Variants in ZNF592 observed in about 807,000 individuals in gnomAD.
ZNF592 encodes spinocerebellar ataxia, autosomal recessive 5.
In ZNF592, 11 loss-of-function variants were observed where a neutral mutation model predicts 80.3. That is an observed-to-expected ratio of 0.14 (90% CI 0.09 to 0.23). ZNF592 has a LOEUF of 0.23. Ranked by LOEUF, ZNF592 falls within the 10% of genes least tolerant of loss-of-function variation. The probability of loss-of-function intolerance (pLI) is 1.00; values close to 1 mark genes in which losing one functional copy is unlikely to be tolerated. For missense variants in ZNF592, 1,420 were observed against 1,633.9 expected, an observed-to-expected ratio of 0.87 and a Z score of 2.26; for synonymous variants, 646 against 640.3, an observed-to-expected ratio of 1.01 and a Z score of -0.13.
intron 10 of ZNF592, 139 bp downstream of exon 10, chr15:84,800,116 G>A: frequency 7.5e-7 from 1 of 1,330,374 alleles, no homozygotes; most frequent in South Asian, 1.2e-5. Flanking sequence ...CTCTAGTCCT[G>A]TGTGACCCGC....
rs145351255 is a variant in ZNF592, at chr15:84,782,760, G to A, written c.85G>A (p.Ala29Thr). 1 of 1,614,086 alleles carries A rather than the reference G, an allele frequency of 6.2e-7. No individual in the cohort carries two copies. Among genetic ancestry groups the A allele is most frequent in the South Asian group, 1.1e-5 (1 of 91,078 alleles). The change falls in exon 4 of 11, where the codon GCC becomes ACC. Residue 29 changes from alanine to threonine, a missense_variant. Ala to Thr is a moderately conservative substitution (Grantham distance 58, BLOSUM62 0). Coordinates refer to ENST00000560079, the MANE Select transcript of ZNF592 (RefSeq NM_014630.3). ...CCCCACCAGCCTTGATGCCAAGGAG[G>A]CCATCCAGACACCCAGTGAGGAGAA... ...PDPTSLDAKEAIQTPSEENES... is the reference protein window; with the variant it reads ...PDPTSLDAKETIQTPSEENES...
At chr15:84,748,876 C>T (rs1043473836) in intron 1 of ZNF592, among the ~76,000 whole-genome samples, 6 of 148,344 alleles carry the variant, frequency 4.0e-5, no homozygotes, top group African/African-American at 1.5e-4. Context: ...CCGCCCCCGG[C>T]CGTCGGGCGC....
chr15:84,750,434 G>T (rs566078370), intron 1 of ZNF592, among the ~76,000 whole-genome samples: 1 of 152,184 alleles, frequency 6.6e-6, no homozygotes, highest in African/African-American at 2.4e-5. Context: ...TCCTGGGAGT[G>T]GGGGAGAAGA....
intron 1 of ZNF592, among the ~76,000 whole-genome samples, chr15:84,758,980 C>CT (rs1899264849): frequency 6.6e-6 from 1 of 152,082 alleles, no homozygotes; most frequent in South Asian, 2.1e-4. Context: ...GCATTCTACT[C>CT]TTTTTTGCCA....
chr15:84,765,084 CCTG>C (rs1899468527), intron 2 of ZNF592, among the ~76,000 whole-genome samples: 1 of 152,156 alleles, frequency 6.6e-6, no homozygotes, highest in South Asian at 2.1e-4. Flanking sequence ...CTCTCTCTCT[CCTG>C]CTAACCCCTG....
Position 84,764,675 on chromosome 15 carries a change from TA to T in ZNF592, c.-258-24del, listed in dbSNP as rs1179116155. ...TCTAACACTTACCTTCAGACCCACT[TA>T]AAAAAAATTTTGTTTTTCTTCTTTC... On this transcript the variant is annotated intron_variant, in intron 1 of 10. Coordinates refer to ENST00000560079, the MANE Select transcript of ZNF592 (RefSeq NM_014630.3). 3.5e-5 allele frequency: 14 copies of T among 398,542 alleles called. 1 individual carries two copies. Among genetic ancestry groups the T allele is most frequent in the Admixed American group, 8.8e-5 (2 of 22,698 alleles). The allele number at this position is 398,542 out of a possible 1,614,324, so 24.7% of individuals were successfully genotyped here.
At position 84,784,056 on chromosome 15, in the gene ZNF592, C is replaced by G. The variant is rs779184880; in HGVS notation, c.1381C>G (p.Pro461Ala). ...SMTKASDSSS[P>A]SCSSGPRVPK... is the part of the protein sequence containing the mutation. The stretch of plus-strand genomic sequence containing the variant: ...GACAAAGGCCAGTGACTCGTCATCT[C>G]CCAGCTGCAGTTCTGGGCCCCGGGT... The change falls in exon 4 of 11, where the codon CCC becomes GCC. Residue 461 changes from proline to alanine, a missense_variant. Pro to Ala is a conservative substitution (Grantham distance 27, BLOSUM62 -1). This residue lies in a region of ZNF592 where 524 missense variants were observed against 628.3 expected (regional missense o/e 0.83). Coordinates refer to ENST00000560079, the MANE Select transcript of ZNF592 (RefSeq NM_014630.3). The surrounding 1 kb of genome is among the most constrained non-coding windows in gnomAD (Gnocchi z 5.8). 6 of 1,613,258 alleles carry G rather than the reference C, an allele frequency of 3.7e-6. No individual in the cohort carries two copies. The East Asian group carries it at 1.3e-4, about 36-fold the overall frequency.
intron 1 of ZNF592, among the ~76,000 whole-genome samples, chr15:84,750,078 G>C (rs1197928189): frequency 6.6e-6 from 1 of 152,216 alleles, no homozygotes; most frequent in African/African-American, 2.4e-5. Context: ...GAGGCGGGTG[G>C]ATCGCCTGAG....
intron 5 of ZNF592, among the ~76,000 whole-genome samples, chr15:84,794,312 C>G (rs997534785): frequency 9.2e-5 from 14 of 152,304 alleles, no homozygotes; most frequent in African/African-American, 3.1e-4. Flanking sequence ...TCCAAAGTGA[C>G]TGCAGCGTTT....
rs1963186783 is a variant in ZNF592 at position 84,804,390 on chromosome 15, C to G, written c.*1997C>G. On this transcript the variant is annotated 3_prime_UTR_variant, in exon 11 of 11. Transcript: ENST00000560079. ...CTCAGACACAGTGGTAGCTGGAGAGCAGGCAGAGATGGTAGAATTGCAGGT... is the reference window on the plus strand; with the variant it reads ...CTCAGACACAGTGGTAGCTGGAGAGGAGGCAGAGATGGTAGAATTGCAGGT... 1 of 152,254 alleles carries G rather than the reference C, an allele frequency of 6.6e-6. No individual in the cohort carries two copies. Among genetic ancestry groups the G allele is most frequent in the Admixed American group, 6.5e-5 (1 of 15,296 alleles). The allele number at this position is 152,254 out of a possible 1,614,324, so 9.4% of individuals were successfully genotyped here. A position where few individuals can be genotyped will look rare whatever the true frequency, so the allele number is the denominator to read the frequency against.
chr15:84,800,079 T>C, intron 10 of ZNF592, 102 bp downstream of exon 10: 1 of 1,566,060 alleles, frequency 6.4e-7, no homozygotes, highest in Non-Finnish European at 8.8e-7. Flanking sequence ...ACAACCAGAG[T>C]GACAGCTTCC....
chr15:84,794,035 G>C (rs1244961009), intron 5 of ZNF592, among the ~76,000 whole-genome samples: 1 of 152,080 alleles, frequency 6.6e-6, no homozygotes, highest in Non-Finnish European at 1.5e-5. Flanking sequence ...GAGTAGAATA[G>C]CTGGGTCAAA....
At position 84,761,298 on chromosome 15, in the gene ZNF592, T is replaced by C. The variant is rs78920141; in HGVS notation, c.-258-3409T>C. On this transcript the variant is annotated intron_variant, in intron 1 of 10. Transcript: ENST00000560079. ...TTTTTGAGCAGAGTAAGTGACCTGA[T>C]AAAAATGGTGTTTGGGAAGGATTAG... is the stretch of plus-strand genomic sequence containing the variant. Among the ~76,000 whole-genome samples the C allele has an allele frequency of 3.5e-3, 529 of 152,180 alleles. 9 individuals are homozygous for C. The East Asian group carries it at 0.041, about 12-fold the overall frequency.
Position 84,804,943 on chromosome 15 carries a change from G to A in ZNF592, c.*2550G>A, listed in dbSNP as rs1963199761. ...GAGGCTCCGAGAGGTTAAACGATGT[G>A]CAGAGGCTACCTGTAGTGATGGTGC... On this transcript the variant is annotated 3_prime_UTR_variant, in exon 11 of 11. Coordinates refer to ENST00000560079, the MANE Select transcript of ZNF592 (RefSeq NM_014630.3). 1 of 152,210 alleles carries A rather than the reference G, an allele frequency of 6.6e-6. No homozygotes were observed. Among genetic ancestry groups the A allele is most frequent in the Admixed American group, 6.5e-5 (1 of 15,282 alleles). The allele number at this position is 152,210 out of a possible 1,614,324, so 9.4% of individuals were successfully genotyped here. A position where few individuals can be genotyped will look rare whatever the true frequency, so the allele number is the denominator to read the frequency against.
intron 2 of ZNF592, among the ~76,000 whole-genome samples, chr15:84,771,772 T>A (rs921180119): frequency 6.6e-6 from 1 of 152,138 alleles, no homozygotes; most frequent in Non-Finnish European, 1.5e-5. Flanking sequence ...AGGTGCCTCA[T>A]GAAATGAAAC....
Position 84,783,973 on chromosome 15 carries a change from C to A in ZNF592, c.1298C>A (p.Pro433His). The change falls in exon 4 of 11, where the codon CCT becomes CAT. Residue 433 changes from proline (P) to histidine (H), a missense_variant. By Grantham distance (77) the Pro-to-His change is moderately conservative. This residue lies in a region of ZNF592 where 524 missense variants were observed against 628.3 expected (regional missense o/e 0.83). Transcript: ENST00000560079. This position sits in a 1 kb window ranked among gnomAD's most constrained non-coding sequence, Gnocchi z 5.0. The stretch of plus-strand genomic sequence containing the variant: ...GAGGTGCCTGTGGAAGAGCACTTTC[C>A]TGAGGCAGGCACAAATTCAGGGAGC... ...GDEVPVEEHF[P>H]EAGTNSGSPQ... The A allele has an allele frequency of 6.2e-7, 1 of 1,612,832 alleles. No homozygotes were observed. Among genetic ancestry groups the A allele is most frequent in the Non-Finnish European group, 8.5e-7 (1 of 1,178,896 alleles).
intron 4 of ZNF592, among the ~76,000 whole-genome samples, chr15:84,785,155 C>G (rs1349679627): frequency 6.6e-6 from 1 of 152,222 alleles, no homozygotes; most frequent in Non-Finnish European, 1.5e-5. Context: ...AAGGGTCTGT[C>G]AAGGCCCAGT....
At chr15:84,772,747 T>G (rs1395181111) in intron 2 of ZNF592, among the ~76,000 whole-genome samples, 1 of 152,176 alleles carries the variant, frequency 6.6e-6, no homozygotes, top group Non-Finnish European at 1.5e-5. Context: ...CTTTTTTTTT[T>G]CTCTCTCACA....
At chr15:84,774,242 T>G (rs1962177302) in intron 2 of ZNF592, among the ~76,000 whole-genome samples, 1 of 152,242 alleles carries the variant, frequency 6.6e-6, no homozygotes, top group Non-Finnish European at 1.5e-5. Flanking sequence ...GGTTTTACTT[T>G]ATTGCTTCTA....
Sources: gnomAD v4.1 joint callset for allele counts (sites outside exome capture counted in the v4.1 genomes callset) on GRCh38, gnomAD v4.1.1 for gene constraint, gnomAD v4.1.1 regional missense constraint, Gnocchi (gnomAD v3.1) non-coding constraint, MANE v1.5 for transcripts, NCBI Gene and HGNC (gene_info 2026-07-23, HGNC 2026-07-21) for gene names.